ZNF532: variants seen among roughly 807,000 people sequenced by gnomAD.
The protein encoded by ZNF532 is zinc finger protein 532.
In ZNF532, 22 loss-of-function variants were observed where a neutral mutation model predicts 89.3. That is an observed-to-expected ratio of 0.25 (90% CI 0.18 to 0.35). The LOEUF (loss-of-function observed/expected upper bound fraction) is 0.35. ZNF532 is among the 10% of genes least tolerant of loss of function. The probability of loss-of-function intolerance (pLI) is 1.00; values close to 1 mark genes in which losing one functional copy is unlikely to be tolerated. For missense variants in ZNF532, 1,132 were observed against 1,643.4 expected, an observed-to-expected ratio of 0.69 and a Z score of 5.38; for synonymous variants, 606 against 649.6, an observed-to-expected ratio of 0.93 and a Z score of 1.02.
chr18:58,884,092 AACTTGGCCGGGC>A (rs2058112468), intron 2 of ZNF532, among the ~76,000 whole-genome samples: 1 of 152,214 alleles, frequency 6.6e-6, no homozygotes, highest in South Asian at 2.1e-4. Flanking sequence ...AAAATTTAAA[AACTTGGCCGGGC>A]ACAGTGGCTT....
chr18:58,878,828 G>A (rs554804681), intron 2 of ZNF532, among the ~76,000 whole-genome samples: 3 of 152,352 alleles, frequency 2.0e-5, no homozygotes, highest in African/African-American at 4.8e-5. Context: ...GAACTCAAGC[G>A]TCATCTTGCA....
chr18:58,906,604 T>C (rs117059413), intron 2 of ZNF532, among the ~76,000 whole-genome samples: 1 of 152,302 alleles, frequency 6.6e-6, no homozygotes, highest in East Asian at 1.9e-4. Context: ...TCTTCCTCAC[T>C]TTTGGTTGTT....
chr18:58,980,116 A>G (rs1181584443), intron 8 of ZNF532: 2 of 152,238 alleles, frequency 1.3e-5, no homozygotes, highest in Non-Finnish European at 2.9e-5. Context: ...GATGGACCCT[A>G]TGGATCAGGA....
intron 2 of ZNF532, among the ~76,000 whole-genome samples, chr18:58,905,407 T>C (rs972257466): frequency 6.6e-6 from 1 of 151,108 alleles, no homozygotes; most frequent in African/African-American, 2.4e-5. Flanking sequence ...TTCTTTCTTT[T>C]TTTTTTTTTT....
At position 58,918,618 on chromosome 18, in the gene ZNF532, A is replaced by G. The variant is rs2060780977; in HGVS notation, c.331A>G (p.Lys111Glu). 1 of 1,614,058 alleles carries G rather than the reference A, an allele frequency of 6.2e-7. No individual in the cohort carries two copies. The highest frequency in any genetic ancestry group is 1.1e-5 in the South Asian group (1 of 91,084). Reference sequence around the variant, plus strand: ...CAGTAAAGATGGAGCAAAGTCCTTGAAAGGAGATGTGCCTGCCTCTGAGGT... The same window carrying G: ...CAGTAAAGATGGAGCAAAGTCCTTGGAAGGAGATGTGCCTGCCTCTGAGGT... ...SYSKDGAKSL[K>E]GDVPASEVTL... The change falls in exon 3 of 10, where the codon AAA becomes GAA. Residue 111 changes from lysine to glutamate, a missense_variant. Physicochemically the swap from Lys to Glu is moderately conservative, Grantham distance 56. This residue lies in a region of ZNF532 where 302 missense variants were observed against 319.8 expected (regional missense o/e 0.94). Coordinates refer to ENST00000591808, the MANE Select transcript of ZNF532 (RefSeq NM_001375912.1).
intron 2 of ZNF532, among the ~76,000 whole-genome samples, chr18:58,904,821 T>G (rs193162236): frequency 1.3e-5 from 2 of 151,888 alleles, no homozygotes; most frequent in African/African-American, 4.8e-5. Context: ...TGCAAACTTT[T>G]GAAATTCTAT....
intron 2 of ZNF532, among the ~76,000 whole-genome samples, chr18:58,905,554 C>G (rs1410901202): frequency 1.3e-5 from 2 of 152,100 alleles, no homozygotes; most frequent in East Asian, 3.9e-4. Context: ...TGTGCTCCAC[C>G]ACGCCCATCT....
At chr18:58,888,799 T>A (rs1372978843) in intron 2 of ZNF532, among the ~76,000 whole-genome samples, 1 of 47,216 alleles carries the variant, frequency 2.1e-5, no homozygotes. Context: ...TATATATAAT[T>A]TATATATATA....
At chr18:58,953,938 C>T (rs953567910) in intron 7 of ZNF532, 139 bp downstream of exon 7, 6 of 1,433,408 alleles carry the variant, frequency 4.2e-6, no homozygotes, top group Admixed American at 5.7e-5. Flanking sequence ...GTCTCTCTGC[C>T]TCACTTCTTT....
chr18:58,972,782 G>T (rs1318027164), intron 7 of ZNF532, among the ~76,000 whole-genome samples: 2 of 152,150 alleles, frequency 1.3e-5, no homozygotes. Context: ...CATCCTGCAG[G>T]AAATAAGCAG....
intron 2 of ZNF532, among the ~76,000 whole-genome samples, chr18:58,868,392 A>G (rs1160435302): frequency 2.6e-5 from 4 of 152,188 alleles, no homozygotes; most frequent in African/African-American, 9.6e-5. Context: ...GGGTTTTGGC[A>G]TATGTGTAGA....
chr18:58,940,450 A>G lies in ZNF532; in HGVS notation c.2705+829A>G, dbSNP rs2062888159. ...TGCTTTGTGGAGTCTTTAATAATGA[A>G]GCGGTTCTTTAGCAAAAAGGGGCTG... On this transcript the variant is annotated intron_variant, in intron 5 of 9. Coordinates refer to ENST00000591808, the MANE Select transcript of ZNF532 (RefSeq NM_001375912.1). 3 of 152,022 alleles carry G rather than the reference A, an allele frequency of 2.0e-5. No individual in the cohort carries two copies. The South Asian group carries it at 6.2e-4, about 32-fold the overall frequency. 9.4% of individuals were successfully genotyped at this position (152,022 alleles called of 1,614,324 possible). A position where few individuals can be genotyped will look rare whatever the true frequency, so the allele number is the denominator to read the frequency against.
chr18:58,873,050 C>T (rs997478240), intron 2 of ZNF532, among the ~76,000 whole-genome samples: 1 of 152,052 alleles, frequency 6.6e-6, no homozygotes, highest in Admixed American at 6.6e-5. Flanking sequence ...CTGTGTCACC[C>T]AGACTGGAGT....
intron 2 of ZNF532, among the ~76,000 whole-genome samples, chr18:58,917,557 A>G (rs1177926855): frequency 6.6e-6 from 1 of 152,154 alleles, no homozygotes; most frequent in Non-Finnish European, 1.5e-5. Flanking sequence ...GCATGTATTC[A>G]TATATCCTTC....
At position 58,920,159 on chromosome 18, in the gene ZNF532, C is replaced by T; in HGVS notation, c.1872C>T (p.Ser624=). ...ACAAGTGCTTGGAGTGTGGGGACTC[C>T]TTTGCACTTGAAAAGAGTCTGACCC... ...RGYKCLECGD[S]FALEKSLTQH... is the part of the protein sequence containing the mutation. The change falls in exon 3 of 10, where the codon TCC becomes TCT. Residue 624 remains serine (S), a synonymous_variant. Transcript: ENST00000591808. 6.2e-7 allele frequency: 1 copy of T among 1,613,922 alleles called. No individual in the cohort carries two copies. Among genetic ancestry groups the T allele is most frequent in the African/African-American group, 1.3e-5 (1 of 75,034 alleles).
chr18:58,869,076 A>G (rs1173827363), intron 2 of ZNF532, among the ~76,000 whole-genome samples: 1 of 152,220 alleles, frequency 6.6e-6, no homozygotes, highest in Non-Finnish European at 1.5e-5. Flanking sequence ...AAAATATGGT[A>G]TTATAATCTT....
chr18:58,966,203 C>T (rs1249442145), intron 7 of ZNF532, among the ~76,000 whole-genome samples: 1 of 152,022 alleles, frequency 6.6e-6, no homozygotes, highest in Non-Finnish European at 1.5e-5. Flanking sequence ...GAGGATTTTG[C>T]TCTTAATGCT....
chr18:58,868,704 C>G (rs747127705), intron 2 of ZNF532, among the ~76,000 whole-genome samples: 1 of 152,150 alleles, frequency 6.6e-6, no homozygotes, highest in Non-Finnish European at 1.5e-5. Context: ...AGGGTTGTTT[C>G]CAGTTTTTGC....
At chr18:58,967,570 G>T (rs952145461) in intron 7 of ZNF532, among the ~76,000 whole-genome samples, 2 of 152,148 alleles carry the variant, frequency 1.3e-5, no homozygotes, top group Non-Finnish European at 2.9e-5. Flanking sequence ...TGCACCTGTG[G>T]CCGCCTCCAC....
Sources: gnomAD v4.1 joint callset for allele counts (sites outside exome capture counted in the v4.1 genomes callset) on GRCh38, gnomAD v4.1.1 for gene constraint, gnomAD v4.1.1 regional missense constraint, MANE v1.5 for transcripts, NCBI Gene and HGNC (gene_info 2026-07-23, HGNC 2026-07-21) for gene names.